The following NEBL variants were observed in gnomAD, a reference collection of about 807,000 sequenced individuals.
NEBL encodes the protein LIM and SH3 protein 2.
Under a neutral mutation model 140.2 loss-of-function variants are expected in NEBL, and 122 were observed. The ratio of observed to expected loss-of-function variants is 0.87; its 90% CI spans 0.75 to 1.01. NEBL has a LOEUF of 1.01. NEBL is among the 50% of genes least tolerant of loss of function. The pLI, the probability that NEBL is intolerant of heterozygous loss-of-function variation, is 0.00. For missense variants in NEBL, 1,365 were observed against 1,231.3 expected (o/e 1.11, Z -1.62); for synonymous variants, 436 against 398.9 (o/e 1.09, Z -1.11).
At chr10:20,981,471 T>C (rs911717669) in intron 3 of NEBL, among the ~76,000 whole-genome samples, 1 of 152,170 alleles carries the variant, frequency 6.6e-6, no homozygotes, top group African/African-American at 2.4e-5. Context: ...ATTTCATATA[T>C]ACTGTGGTCA....
intron 6 of NEBL, 137 bp from the exon 7 acceptor site, chr10:20,868,902 T>G (rs1210388680): frequency 2.9e-6 from 2 of 680,120 alleles, no homozygotes; most frequent in Non-Finnish European, 5.2e-6. Context: ...CACTAAAATG[T>G]TGACTGCTAA....
chr10:21,113,425 A>C, intron 2 of NEBL: 1 of 421,466 alleles, frequency 2.4e-6, no homozygotes. Flanking sequence ...CAAGTTCATC[A>C]ATTATGTGAA....
At chr10:21,128,456 G>A (rs1196800316) in intron 2 of NEBL, among the ~76,000 whole-genome samples, 1 of 152,072 alleles carries the variant, frequency 6.6e-6, no homozygotes, top group African/African-American at 2.4e-5. Context: ...CATGTGATAT[G>A]GAAGGAATGA....
At chr10:20,787,519 G>A (rs1039833278) in intron 26 of NEBL, among the ~76,000 whole-genome samples, 10 of 152,168 alleles carry the variant, frequency 6.6e-5, no homozygotes, top group African/African-American at 2.4e-4. Flanking sequence ...ACTCAGCTTA[G>A]CATGCAGTTA....
chr10:20,957,878 CT>C (rs1476506005), intron 4 of NEBL, among the ~76,000 whole-genome samples: 1 of 152,152 alleles, frequency 6.6e-6, no homozygotes, highest in Non-Finnish European at 1.5e-5. Context: ...GTAAAAGTCT[CT>C]TGGGGTTTGA....
Position 20,813,906 on chromosome 10 carries a change from G to C in NEBL, c.2346+33C>G, listed in dbSNP as rs184696072. 3.6e-5 allele frequency: 49 copies of C among 1,346,838 alleles called. No homozygotes were observed. In the Admixed American group the frequency reaches 8.0e-4, roughly 22 times the overall value. 83.4% of individuals were successfully genotyped at this position (1,346,838 alleles called of 1,614,324 possible). On this transcript the variant is annotated intron_variant, in intron 23 of 27. Transcript: ENST00000377122. ...GTGCACTGGATCCGCCCATTCCTTA[G>C]CATGTTTTAAGAATGATCTGGTTGG... is the stretch of plus-strand genomic sequence containing the variant.
chr10:21,023,621 G>A (rs544387814), intron 2 of NEBL, among the ~76,000 whole-genome samples: 1 of 152,242 alleles, frequency 6.6e-6, no homozygotes, highest in African/African-American at 2.4e-5. Context: ...CTGGAACCCA[G>A]GAGGCGGAGG....
chr10:21,099,550 T>G (rs1052043895), intron 2 of NEBL, among the ~76,000 whole-genome samples: 32 of 152,208 alleles, frequency 2.1e-4, no homozygotes, highest in African/African-American at 7.2e-4. Flanking sequence ...TATTTCATCT[T>G]GACTTCCTTT....
chr10:21,177,895 A>G (rs1841329150), upstream of NEBL, among the ~76,000 whole-genome samples: 1 of 152,164 alleles, frequency 6.6e-6, no homozygotes, highest in Non-Finnish European at 1.5e-5. Context: ...TAGAGCTCTT[A>G]TTATTAATTA....
chr10:20,916,842 A>T lies in NEBL; in HGVS notation c.357+44830T>A, dbSNP rs543536215. ...ACCACTAGAGTGACACATTATGAAT[A>T]TTTGAAAAAGAATATACAAGTCCTG... On this transcript the variant is annotated intron_variant, in intron 4 of 6. Transcript: ENST00000417816. Among the ~76,000 whole-genome samples the T allele has an allele frequency of 7.2e-5, 11 of 152,352 alleles. No homozygotes were observed. In the East Asian group the frequency reaches 2.1e-3, roughly 29 times the overall value.
chr10:21,061,270 T>C (rs1038108435), intron 2 of NEBL, among the ~76,000 whole-genome samples: 2 of 149,182 alleles, frequency 1.3e-5, no homozygotes, highest in African/African-American at 4.9e-5. Flanking sequence ...ATGTAACATA[T>C]TACATATTAT....
At chr10:20,865,339 G>A (rs1382236690) in intron 7 of NEBL, among the ~76,000 whole-genome samples, 6 of 152,110 alleles carry the variant, frequency 3.9e-5, no homozygotes, top group African/African-American at 1.4e-4. Context: ...AACCTTCACA[G>A]CAGCCCTGAG....
intron 2 of NEBL, among the ~76,000 whole-genome samples, chr10:21,061,043 G>A (rs1461123458): frequency 1.3e-5 from 2 of 151,758 alleles, no homozygotes; most frequent in African/African-American, 4.8e-5. Context: ...TTTGGAAATA[G>A]GGTCTTTGCA....
At chr10:20,818,697 G>T in intron 20 of NEBL, 1 of 729,406 alleles carries the variant, frequency 1.4e-6, no homozygotes, top group Non-Finnish European at 1.7e-6. Context: ...TAGAAAGTGG[G>T]TCTTACCCAT....
At chr10:21,094,306 T>A (rs977087659) in intron 2 of NEBL, among the ~76,000 whole-genome samples, 1 of 151,788 alleles carries the variant, frequency 6.6e-6, no homozygotes, top group Non-Finnish European at 1.5e-5. Flanking sequence ...ATCGAGACCA[T>A]CCTGGCTAAT....
chr10:21,026,352 A>T (rs1839031568), intron 2 of NEBL, among the ~76,000 whole-genome samples: 1 of 152,100 alleles, frequency 6.6e-6, no homozygotes, highest in Admixed American at 6.6e-5. Flanking sequence ...TGACAGACTT[A>T]TCCTGTCCCA....
Position 20,817,592 on chromosome 10 carries a change from G to A in NEBL, c.2148+8C>T. On this transcript the variant is annotated splice_region_variant and intron_variant, in intron 21 of 27. Coordinates refer to ENST00000377122, the MANE Select transcript of NEBL (RefSeq NM_006393.3). ...AGTGTAAGAAAAAAGTTACTAAGAT[G>A]ATCACACATTGCTGATGTTTTTCTG... The A allele has an allele frequency of 6.2e-7, 1 of 1,600,402 alleles. No individual in the cohort carries two copies. The highest frequency in any genetic ancestry group is 8.6e-7 in the Non-Finnish European group (1 of 1,167,580).
At chr10:20,970,335 G>C (rs373074959) in intron 3 of NEBL, among the ~76,000 whole-genome samples, 1 of 151,944 alleles carries the variant, frequency 6.6e-6, no homozygotes, top group Non-Finnish European at 1.5e-5. Context: ...GTCCTTTTTG[G>C]ATCAAAAAAA....
Position 20,976,734 on chromosome 10 carries a change from G to C in NEBL, c.250-14955C>G, listed in dbSNP as rs375316862. 3.3e-5 allele frequency among the ~76,000 whole-genome samples: 5 copies of C among 152,052 alleles called. No homozygotes were observed. In the East Asian group the frequency reaches 7.7e-4, roughly 24 times the overall value. On this transcript the variant is annotated intron_variant, in intron 3 of 6. Coordinates refer to the NEBL transcript ENST00000417816. ...AGCTAAACATTGAGAACACCTGGAC[G>C]CAAAGATGGGAACAATAGACACTGG...
Sources: gnomAD v4.1 joint callset for allele counts (sites outside exome capture counted in the v4.1 genomes callset) on GRCh38, gnomAD v4.1.1 for gene constraint, MANE v1.5 for transcripts, NCBI Gene and HGNC (gene_info 2026-07-23, HGNC 2026-07-21) for gene names.